Variants in SPECC1 observed in about 807,000 individuals in gnomAD.
SPECC1 encodes sperm antigen with calponin homology and coiled-coil domains 1.
In SPECC1, 62 loss-of-function variants were observed where a neutral mutation model predicts 104.1. The ratio of observed to expected loss-of-function variants is 0.60; its 90% CI spans 0.49 to 0.74. The LOEUF is 0.74. Among genes scored for constraint, SPECC1 ranks in the 30% least tolerant of loss-of-function variants. The pLI is 0.00. For synonymous variants in SPECC1, 513 were observed against 501.6 expected (o/e 1.02, Z -0.30); for missense variants, 1,306 against 1,310.5 (o/e 1.00, Z 0.05).
At chr17:20,265,266 G>A (rs1598108109) in intron 12 of SPECC1, among the ~76,000 whole-genome samples, 1 of 152,162 alleles carries the variant, frequency 6.6e-6, no homozygotes, top group Admixed American at 6.5e-5. Context: ...GGCCTCGCTA[G>A]CGTCTGCTAT....
At chr17:20,255,357 C>T (rs944730171) in intron 10 of SPECC1, among the ~76,000 whole-genome samples, 1 of 152,160 alleles carries the variant, frequency 6.6e-6, no homozygotes, top group Non-Finnish European at 1.5e-5. Context: ...TCACCATCTC[C>T]GTGCTTGCTG....
chr17:20,289,077 C>G (rs1488266700), intron 12 of SPECC1, among the ~76,000 whole-genome samples: 2 of 152,122 alleles, frequency 1.3e-5, no homozygotes, highest in Non-Finnish European at 1.5e-5. Context: ...GCCGCCGTGC[C>G]TGGCTGAAAG....
intron 10 of SPECC1, 21 bp downstream of exon 10, chr17:20,253,607 GAACTTTT>G (rs749853893): frequency 6.2e-7 from 1 of 1,611,138 alleles, no homozygotes; most frequent in Non-Finnish European, 8.5e-7. Flanking sequence ...TCAACATAAA[GAACTTTT>G]GACTTATCTT....
At chr17:20,032,079 TATC>T (rs2044838354) in intron 1 of SPECC1, among the ~76,000 whole-genome samples, 1 of 152,246 alleles carries the variant, frequency 6.6e-6, no homozygotes, top group Non-Finnish European at 1.5e-5. Context: ...TCAAATATGT[TATC>T]ATTCATTGTT....
At chr17:20,253,825 A>G (rs1407978079) in intron 10 of SPECC1, among the ~76,000 whole-genome samples, 1 of 149,004 alleles carries the variant, frequency 6.7e-6, no homozygotes, top group Admixed American at 6.7e-5. Flanking sequence ...GACAGGCCCA[A>G]TTTTTTTTTT....
chr17:20,149,110 T>C (rs757382149), intron 3 of SPECC1, among the ~76,000 whole-genome samples: 3 of 152,230 alleles, frequency 2.0e-5, no homozygotes, highest in Non-Finnish European at 4.4e-5. Context: ...GAAGCCATCA[T>C]ATAGCTGTAT....
chr17:20,175,963 T>C (rs1401715477), intron 3 of SPECC1, among the ~76,000 whole-genome samples: 1 of 152,248 alleles, frequency 6.6e-6, no homozygotes, highest in East Asian at 1.9e-4. Flanking sequence ...AGAGAGTATT[T>C]TTTAAATGAA....
At chr17:20,094,639 A>G (rs191081014) in intron 1 of SPECC1, among the ~76,000 whole-genome samples, 3 of 151,420 alleles carry the variant, frequency 2.0e-5, no homozygotes, top group Admixed American at 6.6e-5. Context: ...AAATCATCCT[A>G]TGTTTTCATA....
At chr17:20,095,624 G>A (rs2047609060) in intron 1 of SPECC1, 1 of 152,314 alleles carries the variant, frequency 6.6e-6, no homozygotes, top group African/African-American at 2.4e-5. Context: ...GGCAGCCAGG[G>A]ACGCTAGCAC....
intron 3 of SPECC1, among the ~76,000 whole-genome samples, chr17:20,147,874 A>G (rs2031615896): frequency 6.6e-6 from 1 of 152,148 alleles, no homozygotes; most frequent in South Asian, 2.1e-4. Flanking sequence ...CATATCTATA[A>G]AACATTTAAA....
chr17:20,181,879 A>G (rs1188710929), intron 3 of SPECC1, among the ~76,000 whole-genome samples: 1 of 152,116 alleles, frequency 6.6e-6, no homozygotes, highest in African/African-American at 2.4e-5. Context: ...ACCTGAGATA[A>G]TGGAGAAACT....
chr17:20,163,446 TAA>T (rs1195444201), intron 3 of SPECC1, among the ~76,000 whole-genome samples: 1 of 152,180 alleles, frequency 6.6e-6, no homozygotes, highest in South Asian at 2.1e-4. Context: ...AGGTTCTTGT[TAA>T]AGTCTGACAA....
intron 2 of SPECC1, among the ~76,000 whole-genome samples, chr17:20,097,242 C>G (rs887405728): frequency 2.0e-5 from 3 of 152,166 alleles, no homozygotes; most frequent in Admixed American, 1.3e-4. Flanking sequence ...CTCCTCCCCC[C>G]ATCCCTTTGG....
chr17:20,262,094 C>T (rs2040046962), intron 12 of SPECC1, among the ~76,000 whole-genome samples: 2 of 152,124 alleles, frequency 1.3e-5, no homozygotes, highest in Admixed American at 6.5e-5. Context: ...TTTTTTTACA[C>T]GGTATTGAGT....
chr17:20,260,687 T>A (rs1313777447), intron 12 of SPECC1, among the ~76,000 whole-genome samples: 1 of 152,180 alleles, frequency 6.6e-6, no homozygotes, highest in Non-Finnish European at 1.5e-5. Context: ...CCCTTATCCC[T>A]CAGGCATGAG....
intron 3 of SPECC1, among the ~76,000 whole-genome samples, chr17:20,177,743 T>C (rs1295443449): frequency 6.6e-6 from 1 of 152,214 alleles, no homozygotes. Context: ...AGAGTCTTTC[T>C]CTGTCGCCCA....
At chr17:20,034,622 T>G (rs1002513925) in intron 1 of SPECC1, among the ~76,000 whole-genome samples, 6 of 118,296 alleles carry the variant, frequency 5.1e-5, no homozygotes, top group Admixed American at 1.8e-4. Flanking sequence ...TTTTTTTTTT[T>G]GAGTTGGAGT....
At chr17:20,226,176 C>CA (rs2038192573) in intron 4 of SPECC1, among the ~76,000 whole-genome samples, 1 of 152,032 alleles carries the variant, frequency 6.6e-6, no homozygotes, top group Admixed American at 6.5e-5. Flanking sequence ...AGAAAAGGGA[C>CA]AATGATGTTT....
intron 4 of SPECC1, among the ~76,000 whole-genome samples, chr17:20,211,147 C>T (rs144174408): frequency 2.6e-5 from 4 of 152,340 alleles, no homozygotes; most frequent in African/African-American, 7.2e-5. Context: ...TGGGGCCCTG[C>T]AGGGAAGCTG....
Sources: gnomAD v4.1 joint callset for allele counts (sites outside exome capture counted in the v4.1 genomes callset) on GRCh38, gnomAD v4.1.1 for gene constraint, MANE v1.5 for transcripts, NCBI Gene and HGNC (gene_info 2026-07-23, HGNC 2026-07-21) for gene names.